Variants in WNT7B observed in about 807,000 individuals in gnomAD.
WNT7B encodes protein Wnt-7b.
A neutral mutation model predicts 38.2 loss-of-function variants in WNT7B; 19 were observed. The observed-to-expected ratio is 0.50, with a 90% CI of 0.35 to 0.73. WNT7B has a LOEUF of 0.73. Ranked by LOEUF, WNT7B falls within the 30% of genes least tolerant of loss-of-function variation. The probability of loss-of-function intolerance (pLI) is 0.01; values close to 1 mark genes in which losing one functional copy is unlikely to be tolerated. For missense variants in WNT7B, 423 were observed against 507.9 expected (o/e 0.83, Z 1.61); for synonymous variants, 243 against 209.3 (o/e 1.16, Z -1.39).
chr22:45,931,792 TC>T (rs1269364716), intron 2 of WNT7B, among the ~76,000 whole-genome samples: 1 of 151,914 alleles, frequency 6.6e-6, no homozygotes, highest in Non-Finnish European at 1.5e-5. Flanking sequence ...TCTGCCAGCC[TC>T]CCAGGAGCCC....
In WNT7B at chr22:45,972,258, G is replaced by C. The variant is rs949536843; in HGVS notation, c.71+4426C>G. 4.8e-6 allele frequency: 3 copies of C among 628,098 alleles called. No homozygotes were observed. The East Asian group carries it at 1.1e-4, about 22-fold the overall frequency. The allele number at this position is 628,098 out of a possible 1,614,324, so 38.9% of individuals were successfully genotyped here. A position where few individuals can be genotyped will look rare whatever the true frequency, so the allele number is the denominator to read the frequency against. ...AGCATGGTGGGCCGGCGTGCCTGGC[G>C]GGGCTGAACAGGCTCCGCGGGCCGG... On this transcript the variant is annotated intron_variant, in intron 1 of 3. Transcript: ENST00000339464.
At chr22:45,934,101 C>T (rs1296103403) in intron 2 of WNT7B, among the ~76,000 whole-genome samples, 3 of 152,366 alleles carry the variant, frequency 2.0e-5, no homozygotes, top group Non-Finnish European at 2.9e-5. Flanking sequence ...GGATGAGGCG[C>T]GTCCAACCAT....
In WNT7B at chr22:45,943,504, T is replaced by G. The variant is rs1209843248; in HGVS notation, c.298+6416A>C. Among the ~76,000 whole-genome samples, 9 of 152,306 alleles carry G rather than the reference T, an allele frequency of 5.9e-5. 1 individual carries two copies. The highest frequency in any genetic ancestry group is 1.0e-4 in the Non-Finnish European group (7 of 68,010). ...CTCGGGGAGCCCAGGAGGCCCCTCC[T>G]GTGTCCAGCCCAGGGTGGCCTGCCC... On this transcript the variant is annotated intron_variant, in intron 2 of 3. Transcript: ENST00000339464.
rs1932549862 is a variant in WNT7B at position 45,976,303 on chromosome 22, C to A, written c.71+381G>T. 2.0e-5 allele frequency among the ~76,000 whole-genome samples: 3 copies of A among 148,984 alleles called. No individual in the cohort carries two copies. The highest frequency in any genetic ancestry group is 1.3e-4 in the Admixed American group (2 of 14,986). On this transcript the variant is annotated intron_variant, in intron 1 of 3. Coordinates refer to ENST00000339464, the MANE Select transcript of WNT7B (RefSeq NM_058238.3). This position sits in a 1 kb window ranked among gnomAD's most constrained non-coding sequence, Gnocchi z 8.5. ...CCCCGACCCCGCCCCGGCGCACCCT[C>A]CAGGCGGCGAGCGCTCGGCCCGGGC...
Position 45,953,114 on chromosome 22 carries a change from C to T in WNT7B, c.72-2968G>A, listed in dbSNP as rs142828235. 9.2e-3 allele frequency among the ~76,000 whole-genome samples: 1,391 copies of T among 150,802 alleles called. 30 individuals carry two copies. Among genetic ancestry groups the T allele is most frequent in the African/African-American group, 0.033 (1,342 of 40,734 alleles). On this transcript the variant is annotated intron_variant, in intron 1 of 3. Coordinates refer to ENST00000339464, the MANE Select transcript of WNT7B (RefSeq NM_058238.3). ...GGGTGTAGAGCTCATTCTGCAGTCT[C>T]ACAGTCACCGTGTCCGTGCCCGGCT...
At position 45,977,073 on chromosome 22, in the gene WNT7B, C is replaced by T; in HGVS notation, c.-319G>A. 20 of 956,978 alleles carry T rather than the reference C, an allele frequency of 2.1e-5. No homozygotes were observed. Among genetic ancestry groups the T allele is most frequent in the Non-Finnish European group, 2.5e-5 (20 of 804,572 alleles). 59.3% of individuals were successfully genotyped at this position (956,978 alleles called of 1,614,324 possible). ...GCGGCTGGCGGGCGGGTGCAGCCTG[C>T]ACTAGGCGCAGCCGCCTGAGGCCGT... On this transcript the variant is annotated 5_prime_UTR_variant, in exon 1 of 4. Coordinates refer to ENST00000339464, the MANE Select transcript of WNT7B (RefSeq NM_058238.3).
chr22:45,929,822 T>A (rs772589500), intron 3 of WNT7B, among the ~76,000 whole-genome samples: 65 of 100,674 alleles, frequency 6.5e-4, no homozygotes, highest in African/African-American at 2.0e-3. Context: ...CCATCTATCT[T>A]CCCATGCACT....
intron 3 of WNT7B, chr22:45,927,601 A>G (rs1351638960): frequency 2.1e-6 from 2 of 957,966 alleles, no homozygotes; most frequent in South Asian, 1.4e-5. Context: ...TGTCCATATA[A>G]GAGATGGAAC....
At chr22:45,933,093 G>C (rs914410199) in intron 2 of WNT7B, among the ~76,000 whole-genome samples, 1 of 152,146 alleles carries the variant, frequency 6.6e-6, no homozygotes, top group African/African-American at 2.4e-5. Flanking sequence ...TTCCCCTAGG[G>C]TATCTTCCAT....
chr22:45,959,969 T>TC (rs1455898622), intron 1 of WNT7B, among the ~76,000 whole-genome samples: 1 of 151,820 alleles, frequency 6.6e-6, no homozygotes, highest in Non-Finnish European at 1.5e-5. Flanking sequence ...CCATCTGCCC[T>TC]CCCCCGCAGA....
At chr22:45,934,048 C>G (rs1931448835) in intron 2 of WNT7B, among the ~76,000 whole-genome samples, 1 of 152,244 alleles carries the variant, frequency 6.6e-6, no homozygotes, top group South Asian at 2.1e-4. Context: ...GCGCCGGGCG[C>G]ACACCCAGCC....
Position 45,922,431 on chromosome 22 carries a change from T to G in WNT7B, c.*425A>C. Reference sequence around the variant, plus strand: ...GCGGCAGACCCAGCCTGGGAACTGGTCTGGAGAGGCCAGCCGGCGTAGCTT... The same window carrying G: ...GCGGCAGACCCAGCCTGGGAACTGGGCTGGAGAGGCCAGCCGGCGTAGCTT... On this transcript the variant is annotated 3_prime_UTR_variant, in exon 4 of 4. Transcript: ENST00000339464. The G allele has an allele frequency of 5.3e-6, 1 of 188,246 alleles. No homozygotes were observed. Among genetic ancestry groups the G allele is most frequent in the Non-Finnish European group, 1.1e-5 (1 of 90,810 alleles). 11.7% of individuals were successfully genotyped at this position (188,246 alleles called of 1,614,324 possible). A position where few individuals can be genotyped will look rare whatever the true frequency, so the allele number is the denominator to read the frequency against.
rs1259746025 is a variant in WNT7B at position 45,976,254 on chromosome 22, G to A, written c.71+430C>T. 1.4e-5 allele frequency among the ~76,000 whole-genome samples: 2 copies of A among 146,390 alleles called. No individual in the cohort carries two copies. The highest frequency in any genetic ancestry group is 3.0e-5 in the Non-Finnish European group (2 of 65,796). On this transcript the variant is annotated intron_variant, in intron 1 of 3. Coordinates refer to ENST00000339464, the MANE Select transcript of WNT7B (RefSeq NM_058238.3). This position sits in a 1 kb window ranked among gnomAD's most constrained non-coding sequence, Gnocchi z 8.5. ...CCGGGTGCGCGCCCCCCGCCCTCCC[G>A]GGCCTCCGCAGGCGCCGGACGCCCC...
At chr22:45,957,653 A>C (rs1202735899) in intron 1 of WNT7B, among the ~76,000 whole-genome samples, 2 of 122,316 alleles carry the variant, frequency 1.6e-5, no homozygotes, top group Non-Finnish European at 3.2e-5. Flanking sequence ...ACTGCACTCC[A>C]GCCTGCGTGA....
intron 1 of WNT7B, chr22:45,954,730 C>A (rs933485774): frequency 2.0e-6 from 2 of 985,266 alleles, no homozygotes; most frequent in African/African-American, 3.5e-5. Flanking sequence ...GAAACAATTT[C>A]AAAATTGTCT....
intron 1 of WNT7B, among the ~76,000 whole-genome samples, chr22:45,962,362 C>G (rs1215770971): frequency 6.6e-6 from 1 of 152,224 alleles, no homozygotes; most frequent in African/African-American, 2.4e-5. Flanking sequence ...GGACGCTGAC[C>G]TCTGACTTCA....
Position 45,931,143 on chromosome 22 carries a change from G to A in WNT7B, c.525C>T (p.Asn175=), listed in dbSNP as rs757856139. The A allele has an allele frequency of 6.9e-6, 11 of 1,594,182 alleles. No individual in the cohort carries two copies. The highest frequency in any genetic ancestry group is 5.0e-5 in the Admixed American group (3 of 59,782). ...RFVDAREIKK[N]ARRLMNLHNN... ...TATGCAGGTTCATGAGGCGCCGCGC[G>A]TTCTTCTTGATCTCCCGAGCGTCCA... The change falls in exon 3 of 4, where the codon AAC becomes AAT. Residue 175 remains asparagine (N), a synonymous_variant. Transcript: ENST00000339464.
Position 45,922,806 on chromosome 22 carries a change from CA to C in WNT7B, c.*49del. 1 of 1,555,566 alleles carries C rather than the reference CA, an allele frequency of 6.4e-7. No homozygotes were observed. On this transcript the variant is annotated 3_prime_UTR_variant, in exon 4 of 4. Transcript: ENST00000339464. ...GCAGGGAAGGTGAGGAGTGGATGTG[CA>C]AAATGCCGCCGGGTTCCAGGGTGCC...
chr22:45,974,554 C>G (rs1013043704), intron 1 of WNT7B, among the ~76,000 whole-genome samples: 1 of 152,194 alleles, frequency 6.6e-6, no homozygotes, highest in Middle Eastern at 3.4e-3. Flanking sequence ...ACAGGGTGTT[C>G]GGAGGTCACA....
Sources: gnomAD v4.1 joint callset for allele counts (sites outside exome capture counted in the v4.1 genomes callset) on GRCh38, gnomAD v4.1.1 for gene constraint, Gnocchi (gnomAD v3.1) non-coding constraint, MANE v1.5 for transcripts, NCBI Gene and HGNC (gene_info 2026-07-23, HGNC 2026-07-21) for gene names.